Variants in ZNF609 observed in about 807,000 individuals in gnomAD.
ZNF609 encodes zinc finger protein 609.
ZNF609 carries 11 observed loss-of-function variants against 109.5 expected under a neutral mutation model. The observed-to-expected ratio is 0.10, with a 90% CI of 0.06 to 0.17. ZNF609 has a LOEUF of 0.17. Among genes scored for constraint, ZNF609 ranks in the 10% least tolerant of loss-of-function variants. ZNF609 has a pLI of 1.00. For missense variants in ZNF609, 1,559 were observed against 1,772.4 expected, an observed-to-expected ratio of 0.88 and a Z score of 2.16; for synonymous variants, 646 against 662.0, an observed-to-expected ratio of 0.98 and a Z score of 0.37.
At chr15:64,645,919 G>A (rs1158553753) in intron 3 of ZNF609, among the ~76,000 whole-genome samples, 1 of 152,162 alleles carries the variant, frequency 6.6e-6, no homozygotes, top group Non-Finnish European at 1.5e-5. Context: ...TGGAACCCTT[G>A]AGAACTGTTG....
rs572431111 is a variant in ZNF609, at chr15:64,543,830, A to G, written c.747+43664A>G. Among the ~76,000 whole-genome samples the G allele has an allele frequency of 2.0e-5, 3 of 152,308 alleles. No homozygotes were observed. The East Asian group carries it at 5.8e-4, about 29-fold the overall frequency. On this transcript the variant is annotated intron_variant, in intron 2 of 9. Transcript: ENST00000326648. ...ATGAGTTTTTGTTTCCCAGAACCTC[A>G]TATATGTTTGTGTCATAGTATTTAT...
intron 2 of ZNF609, among the ~76,000 whole-genome samples, chr15:64,585,098 G>A (rs564077610): frequency 2.0e-5 from 3 of 151,832 alleles, no homozygotes; most frequent in Non-Finnish European, 4.4e-5. Context: ...GCCAAGGCGG[G>A]AGGATCACTT....
At chr15:64,600,773 A>G (rs1273051790) in intron 2 of ZNF609, among the ~76,000 whole-genome samples, 2 of 151,980 alleles carry the variant, frequency 1.3e-5, no homozygotes, top group Non-Finnish European at 2.9e-5. Flanking sequence ...TATAAGCTCT[A>G]TATGTTAAGT....
chr15:64,618,307 C>A (rs1895830065), intron 2 of ZNF609, among the ~76,000 whole-genome samples: 1 of 152,160 alleles, frequency 6.6e-6, no homozygotes, highest in South Asian at 2.1e-4. Flanking sequence ...CTTCACTGCC[C>A]TGCTGCTCAG....
intron 2 of ZNF609, among the ~76,000 whole-genome samples, chr15:64,535,823 TA>T (rs1894133273): frequency 6.6e-6 from 1 of 152,184 alleles, no homozygotes; most frequent in South Asian, 2.1e-4. Flanking sequence ...TCCTGGCAGG[TA>T]TGTAATGGTA....
Position 64,680,684 on chromosome 15 carries a change from C to T in ZNF609, c.3984C>T (p.Gly1328=), listed in dbSNP as rs1486367465. The T allele has an allele frequency of 1.9e-6, 3 of 1,608,418 alleles. No individual in the cohort carries two copies. Among genetic ancestry groups the T allele is most frequent in the Non-Finnish European group, 2.5e-6 (3 of 1,177,654 alleles). ...DKTSQERDRG[G]CGVVGGGGSC... ...CTTCTCAGGAGAGAGATCGAGGAGG[C>T]TGTGGGGTGGTTGGGGGTGGTGGCA... The change falls in exon 8 of 10, where the codon GGC becomes GGT. Residue 1328 remains glycine, a synonymous_variant. Coordinates refer to ENST00000326648, the MANE Select transcript of ZNF609 (RefSeq NM_015042.2).
intron 2 of ZNF609, among the ~76,000 whole-genome samples, chr15:64,549,633 A>G (rs984434215): frequency 6.6e-6 from 1 of 152,206 alleles, no homozygotes; most frequent in Non-Finnish European, 1.5e-5. Flanking sequence ...ATTCAAAGCC[A>G]GGTAATCTGG....
rs116225141 is a variant in ZNF609, at chr15:64,477,969, C to T, written c.-128+17131C>T. 6.9e-4 allele frequency among the ~76,000 whole-genome samples: 105 copies of T among 152,236 alleles called. 1 individual carries two copies. The highest frequency in any genetic ancestry group is 2.5e-3 in the African/African-American group (104 of 41,544). ...TGTCCACATGTTATATTGGATTCAG[C>T]TTGTGGACATCAAGCTCTCAGCCTG... On this transcript the variant is annotated intron_variant, in intron 1 of 9. Coordinates refer to ENST00000326648, the MANE Select transcript of ZNF609 (RefSeq NM_015042.2).
intron 1 of ZNF609, among the ~76,000 whole-genome samples, chr15:64,473,531 C>A (rs761518739): frequency 7.9e-5 from 12 of 151,754 alleles, no homozygotes; most frequent in Non-Finnish European, 1.3e-4. Flanking sequence ...CTCACCACCT[C>A]ATCTGAATCA....
At chr15:64,653,416 G>C (rs1402146517) in intron 3 of ZNF609, among the ~76,000 whole-genome samples, 1 of 152,140 alleles carries the variant, frequency 6.6e-6, no homozygotes, top group Non-Finnish European at 1.5e-5. Flanking sequence ...AGGTCGAGGT[G>C]GGCGGATTGC....
chr15:64,678,705 A>G (rs1896841050), intron 6 of ZNF609, among the ~76,000 whole-genome samples: 1 of 152,196 alleles, frequency 6.6e-6, no homozygotes, highest in South Asian at 2.1e-4. Flanking sequence ...CCCTTGCTCC[A>G]GCTCAAGGAT....
At chr15:64,627,746 C>A (rs1000864214) in intron 3 of ZNF609, among the ~76,000 whole-genome samples, 5 of 141,108 alleles carry the variant, frequency 3.5e-5, no homozygotes, top group Non-Finnish European at 7.5e-5. Flanking sequence ...TCTCTCACTG[C>A]AGCCTCAAAC....
intron 1 of ZNF609, among the ~76,000 whole-genome samples, chr15:64,491,171 G>A (rs1893407192): frequency 6.6e-6 from 1 of 152,200 alleles, no homozygotes; most frequent in Non-Finnish European, 1.5e-5. Context: ...AAGGGAAGGT[G>A]ATTGTTTCTC....
intron 2 of ZNF609, among the ~76,000 whole-genome samples, chr15:64,599,168 G>GT (rs556122154): frequency 0.063 from 2,947 of 46,468 alleles, 95 homozygotes; most frequent in Non-Finnish European, 0.093. Context: ...TTTTGTGGTG[G>GT]TTTTTTTTTT....
intron 2 of ZNF609, among the ~76,000 whole-genome samples, chr15:64,617,809 T>G (rs1252345545): frequency 3.3e-5 from 5 of 152,082 alleles, no homozygotes; most frequent in African/African-American, 1.2e-4. Flanking sequence ...CAAAAAGTAT[T>G]AAAAGATAAA....
rs71133442 is a variant in ZNF609 at position 64,573,346 on chromosome 15, CTTT to C, written c.748-49457_748-49455del. On this transcript the variant is annotated intron_variant, in intron 2 of 9. Coordinates refer to ENST00000326648, the MANE Select transcript of ZNF609 (RefSeq NM_015042.2). ...GCAGTAGAGTTAGTGGCCCAACTTT[CTTT>C]TTTTTTTTTTTTTTTTTTTTTTTGA... Among the ~76,000 whole-genome samples the C allele has an allele frequency of 1.6e-4, 12 of 72,978 alleles. 1 individual carries two copies. The highest frequency in any genetic ancestry group is 1.6e-3 in the East Asian group (3 of 1,894). 47.9% of individuals were successfully genotyped at this position (72,978 alleles called of 152,430 possible).
chr15:64,644,352 A>G (rs1896300909), intron 3 of ZNF609, among the ~76,000 whole-genome samples: 1 of 151,342 alleles, frequency 6.6e-6, no homozygotes, highest in African/African-American at 2.4e-5. Context: ...GCTGGGCATG[A>G]TGGTGTGTGC....
intron 2 of ZNF609, among the ~76,000 whole-genome samples, chr15:64,589,376 TCAGCAG>T (rs112200625): frequency 5.3e-5 from 8 of 152,096 alleles, no homozygotes; most frequent in South Asian, 4.2e-4. Flanking sequence ...AACAGAAACT[TCAGCAG>T]CAGCAGCAGC....
chr15:64,595,399 T>G (rs1037460231), intron 2 of ZNF609, among the ~76,000 whole-genome samples: 1 of 151,040 alleles, frequency 6.6e-6, no homozygotes, highest in African/African-American at 2.4e-5. Flanking sequence ...TACAGCCACC[T>G]TGCCACCTAG....
Sources: allele counts gnomAD v4.1 joint callset (sites outside exome capture counted in the v4.1 genomes callset), GRCh38; gene constraint gnomAD v4.1.1; transcripts MANE v1.5; gene names NCBI Gene and HGNC (gene_info 2026-07-23, HGNC 2026-07-21).